The following SATB2 variants were observed in gnomAD, a reference collection of about 807,000 sequenced individuals.
SATB2 encodes SATB homeobox 2.
In SATB2, 1 loss-of-function variant was observed where a neutral mutation model predicts 73.4. The observed-to-expected ratio is 0.01, with a 90% CI of 0.00 to 0.06. The LOEUF is 0.06. Among genes scored for constraint, SATB2 ranks in the 10% least tolerant of loss-of-function variants. The pLI is 1.00. For synonymous variants in SATB2, 397 were observed against 367.0 expected (o/e 1.08, Z -0.93); for missense variants, 459 against 945.8 (o/e 0.49, Z 6.75).
rs533701980 is a variant in SATB2 at position 199,463,656 on chromosome 2, C to T, written c.-141+1180G>A. The stretch of plus-strand genomic sequence containing the variant: ...ACCCTTCCGCGTCGCCTGCAGTCCA[C>T]GGGTTAAGGATGTGGCGGGGGATGG... On this transcript the variant is annotated intron_variant, in intron 1 of 11. Transcript: ENST00000260926. The surrounding 1 kb of genome is among the most constrained non-coding windows in gnomAD (Gnocchi z 6.4). Among the ~76,000 whole-genome samples, 15 of 152,264 alleles carry T rather than the reference C, an allele frequency of 9.9e-5. No individual in the cohort carries two copies. Among genetic ancestry groups the T allele is most frequent in the Admixed American group, 4.6e-4 (7 of 15,296 alleles).
chr2:199,365,932 C>T (rs1689270100), intron 6 of SATB2, among the ~76,000 whole-genome samples: 1 of 152,004 alleles, frequency 6.6e-6, no homozygotes, highest in African/African-American at 2.4e-5. Context: ...CTATATGTGG[C>T]AATTTGTAAC....
Position 199,457,002 on chromosome 2 carries a change from C to G in SATB2, c.-60+337G>C, listed in dbSNP as rs983949224. On this transcript the variant is annotated intron_variant, in intron 1 of 10. Coordinates refer to ENST00000417098, the MANE Select transcript of SATB2 (RefSeq NM_001172509.2). The surrounding 1 kb of genome is among the most constrained non-coding windows in gnomAD (Gnocchi z 4.8). ...GGGGGGGGCGGGGAAGGAGGGGAAA[C>G]ACCTGATGAAACGGCGCTCGCGTTG... Among the ~76,000 whole-genome samples the G allele has an allele frequency of 6.6e-6, 1 of 150,840 alleles. No individual in the cohort carries two copies. Among genetic ancestry groups the G allele is most frequent in the Non-Finnish European group, 1.5e-5 (1 of 67,744 alleles).
intron 6 of SATB2, among the ~76,000 whole-genome samples, chr2:199,366,382 T>C (rs933418314): frequency 3.3e-5 from 5 of 152,180 alleles, no homozygotes; most frequent in African/African-American, 1.2e-4. Context: ...GCAACATCTA[T>C]TCATAGAAAA....
Position 199,464,852 on chromosome 2 carries a change from C to G in SATB2, c.-157G>C, listed in dbSNP as rs1159065182. The stretch of plus-strand genomic sequence containing the variant: ...GTGGCTCACCTCGGCTCGCTGCGCC[C>G]GCCTTCGCCCCAAGTGCCCAGGACG... On this transcript the variant is annotated 5_prime_UTR_variant, in exon 1 of 12. Transcript: ENST00000260926. The surrounding 1 kb of genome is among the most constrained non-coding windows in gnomAD (Gnocchi z 6.6). 2 of 152,396 alleles carry G rather than the reference C, an allele frequency of 1.3e-5. No homozygotes were observed. Among genetic ancestry groups the G allele is most frequent in the Non-Finnish European group, 2.9e-5 (2 of 68,192 alleles). The allele number at this position is 152,396 out of a possible 1,614,324, so 9.4% of individuals were successfully genotyped here. A position where few individuals can be genotyped will look rare whatever the true frequency, so the allele number is the denominator to read the frequency against.
intron 2 of SATB2, among the ~76,000 whole-genome samples, chr2:199,445,174 G>A (rs1691928390): frequency 6.6e-6 from 1 of 152,146 alleles, no homozygotes; most frequent in Non-Finnish European, 1.5e-5. Flanking sequence ...CAACAGTCCC[G>A]TTATGGAGCT....
upstream of SATB2, among the ~76,000 whole-genome samples, chr2:199,461,891 AC>A (rs1478239329): frequency 3.9e-5 from 6 of 151,954 alleles, no homozygotes; most frequent in Admixed American, 2.0e-4. Context: ...CTCTTTGTCG[AC>A]ACCAAGTTTT....
rs1559008388 is a variant in SATB2, at chr2:199,368,692, T to C, written c.613A>G (p.Ile205Val). ...CPLSQSMISS[I>V]VNSTYYANVS... ...TTGGCATAATATGTGCTATTTACAA[T>C]GGATGAAATCATACTCTGAAAAAAA... The change falls in exon 6 of 11, where the codon ATT (isoleucine) becomes GTT (valine). Residue 205 changes from isoleucine (I) to valine (V), a missense_variant. Transcript: ENST00000417098. 1 of 1,601,806 alleles carries C rather than the reference T, an allele frequency of 6.2e-7. No individual in the cohort carries two copies.
At chr2:199,459,169 T>A (rs900284509), upstream of SATB2, among the ~76,000 whole-genome samples, 2 of 152,030 alleles carry the variant, frequency 1.3e-5, no homozygotes, top group Non-Finnish European at 2.9e-5. This position sits in a 1 kb window ranked among gnomAD's most constrained non-coding sequence, Gnocchi z 4.2. Context: ...CTGGGGCTCC[T>A]GGGGACCCCA....
intron 2 of SATB2, 65 bp from the exon 3 acceptor site, chr2:199,433,579 A>C: frequency 6.9e-7 from 1 of 1,454,952 alleles, no homozygotes; most frequent in Non-Finnish European, 9.7e-7. Context: ...CACCACGATG[A>C]GAAGGGAAGC....
At chr2:199,353,148 C>T (rs899051745) in intron 6 of SATB2, among the ~76,000 whole-genome samples, 20 of 88,022 alleles carry the variant, frequency 2.3e-4, no homozygotes, top group South Asian at 9.3e-4. Context: ...ACGTTTTTGT[C>T]TTTTTTTTTT....
At chr2:199,466,972 A>G (rs575702449), upstream of SATB2, among the ~76,000 whole-genome samples, 4 of 152,370 alleles carry the variant, frequency 2.6e-5, no homozygotes, top group African/African-American at 9.6e-5. Flanking sequence ...TTGGGCCTCA[A>G]TCAATGCACT....
chr2:199,333,276 G>T (rs1031694650), intron 7 of SATB2, among the ~76,000 whole-genome samples: 2 of 152,100 alleles, frequency 1.3e-5, no homozygotes, highest in African/African-American at 4.8e-5. Flanking sequence ...TTTACCATAT[G>T]ATGGGAAGGA....
At chr2:199,298,198 C>T (rs1687175089) in intron 10 of SATB2, among the ~76,000 whole-genome samples, 1 of 152,128 alleles carries the variant, frequency 6.6e-6, no homozygotes, top group African/African-American at 2.4e-5. Context: ...CAATCACCAT[C>T]TCATATAAAC....
intron 3 of SATB2, among the ~76,000 whole-genome samples, chr2:199,430,375 G>C (rs912734683): frequency 1.3e-5 from 2 of 152,070 alleles, no homozygotes; most frequent in Admixed American, 1.3e-4. Flanking sequence ...TTAGACCTCA[G>C]TCCAGCTATT....
upstream of SATB2, among the ~76,000 whole-genome samples, chr2:199,465,540 AT>A (rs1166377139): frequency 6.6e-6 from 1 of 152,208 alleles, no homozygotes; most frequent in Non-Finnish European, 1.5e-5. Context: ...CCAGTTCTTA[AT>A]TGTAAGGAAT....
intron 2 of SATB2, among the ~76,000 whole-genome samples, chr2:199,440,787 T>A (rs1044365677): frequency 6.6e-6 from 1 of 151,746 alleles, no homozygotes; most frequent in African/African-American, 2.4e-5. Flanking sequence ...AAGTTCTAAG[T>A]GGTTTACAGG....
Position 199,427,138 on chromosome 2 carries a change from A to C in SATB2, c.346+6200T>G, listed in dbSNP as rs898765845. Among the ~76,000 whole-genome samples, 11 of 152,208 alleles carry C rather than the reference A, an allele frequency of 7.2e-5. No individual in the cohort carries two copies. The South Asian group carries it at 1.4e-3, about 20-fold the overall frequency. ...AGGGATCTGCCCACCTCAGCCTCCC[A>C]AACTGCTGGGATTACAGGAATGAGT... On this transcript the variant is annotated intron_variant, in intron 3 of 10. Coordinates refer to ENST00000417098, the MANE Select transcript of SATB2 (RefSeq NM_001172509.2).
intron 3 of SATB2, chr2:199,395,762 C>A: frequency 6.6e-6 from 1 of 152,160 alleles, no homozygotes; most frequent in East Asian, 1.9e-4. Context: ...CCCTTGCTAT[C>A]AAATTACTTG....
At chr2:199,423,759 A>G (rs1172761885) in intron 3 of SATB2, 2 of 152,262 alleles carry the variant, frequency 1.3e-5, no homozygotes, top group African/African-American at 4.8e-5. Flanking sequence ...GCTTTCAATC[A>G]AGAACAGGCT....
Sources: gnomAD v4.1 joint callset for allele counts (sites outside exome capture counted in the v4.1 genomes callset) on GRCh38, gnomAD v4.1.1 for gene constraint, Gnocchi (gnomAD v3.1) non-coding constraint, MANE v1.5 for transcripts, NCBI Gene and HGNC (gene_info 2026-07-23, HGNC 2026-07-21) for gene names.